The following NKAIN2 variants were observed in gnomAD, a reference collection of about 807,000 sequenced individuals.
NKAIN2 encodes sodium/potassium transporting ATPase interacting 2.
In NKAIN2, 14 loss-of-function variants were observed where a neutral mutation model predicts 32.6. The ratio of observed to expected loss-of-function variants is 0.43; its 90% CI spans 0.28 to 0.67. The LOEUF (loss-of-function observed/expected upper bound fraction) is 0.67, where lower values mean the gene tolerates loss of function less well. NKAIN2 is among the 30% of genes least tolerant of loss of function. The pLI, the probability that NKAIN2 is intolerant of heterozygous loss-of-function variation, is 0.17. For synonymous variants in NKAIN2, 80 were observed against 87.2 expected, an observed-to-expected ratio of 0.92 and a Z score of 0.46; for missense variants, 198 against 258.3, an observed-to-expected ratio of 0.77 and a Z score of 1.60.
intron 3 of NKAIN2, among the ~76,000 whole-genome samples, chr6:124,428,990 A>G (rs1029708654): frequency 6.6e-6 from 1 of 152,118 alleles, no homozygotes. Context: ...TTTTCTGAAT[A>G]TGAATGTTGA....
intron 3 of NKAIN2, among the ~76,000 whole-genome samples, chr6:124,510,989 G>A (rs60965439): frequency 0.015 from 2,257 of 152,122 alleles, 63 homozygotes; most frequent in African/African-American, 0.052. Flanking sequence ...CACATAGTGT[G>A]TTATTGGAAG....
intron 3 of NKAIN2, among the ~76,000 whole-genome samples, chr6:124,454,115 G>GTT (rs1377457339): frequency 7.2e-6 from 1 of 138,386 alleles, no homozygotes; most frequent in African/African-American, 2.6e-5. Flanking sequence ...TTGGGGGGGG[G>GTT]GGTTGCTGGT....
intron 3 of NKAIN2, among the ~76,000 whole-genome samples, chr6:124,491,081 G>A (rs1270130192): frequency 6.6e-6 from 1 of 151,938 alleles, no homozygotes; most frequent in Non-Finnish European, 1.5e-5. Flanking sequence ...AATATCTTTA[G>A]AGAAAATAGA....
chr6:124,619,487 C>T (rs1783029946), intron 3 of NKAIN2, among the ~76,000 whole-genome samples: 1 of 152,042 alleles, frequency 6.6e-6, no homozygotes, highest in African/African-American at 2.4e-5. Flanking sequence ...AGCATTCAGT[C>T]CTTTGACCTG....
At chr6:123,878,259 A>G (rs1262206909) in intron 1 of NKAIN2, among the ~76,000 whole-genome samples, 6 of 152,128 alleles carry the variant, frequency 3.9e-5, no homozygotes, top group Non-Finnish European at 8.8e-5. Flanking sequence ...CAGATTTTCT[A>G]GAAAAATACA....
intron 1 of NKAIN2, among the ~76,000 whole-genome samples, chr6:124,276,741 A>G (rs1025630215): frequency 1.3e-5 from 2 of 152,186 alleles, no homozygotes; most frequent in African/African-American, 4.8e-5. Context: ...AAGACCTAGA[A>G]TATCTTTAAA....
rs980094001 is a variant in NKAIN2 at position 124,756,646 on chromosome 6, C to A, written c.475-34693C>A. On this transcript the variant is annotated intron_variant, in intron 4 of 6. Transcript: ENST00000368417. ...CCATCTCTATATAAATAAACAAATG[C>A]AATTTTTAAAAAAAATAGAAAGAAG... is the stretch of plus-strand genomic sequence containing the variant. Among the ~76,000 whole-genome samples, 3 of 12,478 alleles carry A rather than the reference C, an allele frequency of 2.4e-4. No homozygotes were observed. In the Admixed American group the frequency reaches 4.6e-3, roughly 19 times the overall value. The allele number at this position is 12,478 out of a possible 152,430, so 8.2% of individuals were successfully genotyped here.
At chr6:124,790,934 T>C (rs1411439699) in intron 4 of NKAIN2, among the ~76,000 whole-genome samples, 1 of 152,036 alleles carries the variant, frequency 6.6e-6, no homozygotes, top group African/African-American at 2.4e-5. Context: ...CCTCAAAGCG[T>C]TTTTCTGACG....
At chr6:124,646,021 T>G (rs1256365583) in intron 3 of NKAIN2, among the ~76,000 whole-genome samples, 1 of 152,240 alleles carries the variant, frequency 6.6e-6, no homozygotes, top group East Asian at 1.9e-4. Context: ...GATATTTTGG[T>G]ATATTTATAT....
At chr6:124,235,367 A>G (rs1445152826) in intron 1 of NKAIN2, among the ~76,000 whole-genome samples, 1 of 152,132 alleles carries the variant, frequency 6.6e-6, no homozygotes, top group Non-Finnish European at 1.5e-5. Context: ...CATCCTATTT[A>G]TTGAATTGCT....
intron 3 of NKAIN2, among the ~76,000 whole-genome samples, chr6:124,477,708 C>T (rs1227088361): frequency 1.6e-4 from 1 of 6,222 alleles, no homozygotes; most frequent in Non-Finnish European, 3.2e-4. Flanking sequence ...CTCTCCCTCC[C>T]CCTTACTCTT....
chr6:124,740,154 C>T (rs1175229895), intron 4 of NKAIN2, among the ~76,000 whole-genome samples: 11 of 151,074 alleles, frequency 7.3e-5, no homozygotes, highest in Non-Finnish European at 1.0e-4. Flanking sequence ...TCCATCATCT[C>T]GCTACTGTGA....
intron 4 of NKAIN2, among the ~76,000 whole-genome samples, chr6:124,781,708 A>G (rs1224210628): frequency 1.3e-5 from 2 of 152,132 alleles, no homozygotes; most frequent in Non-Finnish European, 2.9e-5. Context: ...TAAGATTTAT[A>G]TTGAAAAGAA....
chr6:124,497,824 T>TAAAAAAAAAAAAAAA (rs33913104), intron 3 of NKAIN2, among the ~76,000 whole-genome samples: 2 of 105,710 alleles, frequency 1.9e-5, no homozygotes, highest in Non-Finnish European at 1.9e-5. Flanking sequence ...GAGTAAGGGG[T>TAAAAAAAAAAAAAAA]AAAAAAAAAA....
intron 1 of NKAIN2, among the ~76,000 whole-genome samples, chr6:124,140,232 T>C (rs1466436141): frequency 6.6e-6 from 1 of 152,220 alleles, no homozygotes; most frequent in Non-Finnish European, 1.5e-5. Context: ...GTTTCACATA[T>C]AGTATCCTTA....
chr6:123,896,821 C>G (rs918200740), intron 1 of NKAIN2, among the ~76,000 whole-genome samples: 3 of 152,114 alleles, frequency 2.0e-5, no homozygotes, highest in Non-Finnish European at 4.4e-5. Flanking sequence ...TAGATCCCAC[C>G]TTGCTCTCAA....
At chr6:123,862,975 T>C (rs1289055676) in intron 1 of NKAIN2, among the ~76,000 whole-genome samples, 2 of 152,188 alleles carry the variant, frequency 1.3e-5, no homozygotes, top group East Asian at 3.9e-4. Context: ...CAATGAGTAA[T>C]TGTCTTATTG....
chr6:124,621,002 C>G (rs1329975800), intron 3 of NKAIN2, among the ~76,000 whole-genome samples: 1 of 152,052 alleles, frequency 6.6e-6, no homozygotes, highest in Non-Finnish European at 1.5e-5. Flanking sequence ...ACTACAAATC[C>G]TGTTTGTGTG....
intron 1 of NKAIN2, among the ~76,000 whole-genome samples, chr6:123,817,953 G>C (rs1020737125): frequency 1.3e-5 from 2 of 152,104 alleles, no homozygotes; most frequent in Non-Finnish European, 2.9e-5. Flanking sequence ...CAAGCCTTCA[G>C]TATTCTTGGC....
Sources: allele counts gnomAD v4.1 joint callset (sites outside exome capture counted in the v4.1 genomes callset), GRCh38; gene constraint gnomAD v4.1.1; transcripts MANE v1.5; gene names NCBI Gene and HGNC (gene_info 2026-07-23, HGNC 2026-07-21).